BEAN1: variants seen among roughly 807,000 people sequenced by gnomAD.
BEAN1 encodes the protein protein BEAN1.
A neutral mutation model predicts 17.7 loss-of-function variants in BEAN1; 17 were observed. That is an observed-to-expected ratio of 0.96 (90% CI 0.66 to 1.44). The LOEUF (loss-of-function observed/expected upper bound fraction) is 1.44. Ranked by LOEUF, BEAN1 falls within the 40% of genes most tolerant of loss-of-function variation. BEAN1 has a pLI of 0.00. For synonymous variants in BEAN1, 142 were observed against 151.8 expected, an observed-to-expected ratio of 0.94 and a Z score of 0.47; for missense variants, 359 against 374.1, an observed-to-expected ratio of 0.96 and a Z score of 0.33.
chr16:66,482,680 T>C lies in BEAN1; in HGVS notation c.*1755T>C. 1 of 361,586 alleles carries C rather than the reference T, an allele frequency of 2.8e-6. No individual in the cohort carries two copies. 22.4% of individuals were successfully genotyped at this position (361,586 alleles called of 1,614,324 possible). ...GAGAGTGCTGGGGGAAAAAAAGGGA[T>C]AAAAATTCCTACCTACTCATCAGTG... On this transcript the variant is annotated 3_prime_UTR_variant, in exon 5 of 5. Coordinates refer to ENST00000536005, the MANE Select transcript of BEAN1 (RefSeq NM_001178020.3).
intron 2 of BEAN1, among the ~76,000 whole-genome samples, chr16:66,451,621 G>A (rs913089424): frequency 6.6e-6 from 1 of 152,190 alleles, no homozygotes; most frequent in African/African-American, 2.4e-5. Flanking sequence ...TGATTGTCAT[G>A]TATTGGGCAC....
intron 2 of BEAN1, among the ~76,000 whole-genome samples, chr16:66,468,438 T>C (rs569044298): frequency 4.6e-5 from 7 of 152,312 alleles, no homozygotes; most frequent in South Asian, 4.1e-4. Flanking sequence ...CTGTGGTTCA[T>C]TGAATGTCTG....
chr16:66,448,001 CT>C (rs1191401730), intron 2 of BEAN1, among the ~76,000 whole-genome samples: 3 of 152,188 alleles, frequency 2.0e-5, no homozygotes, highest in African/African-American at 7.2e-5. Flanking sequence ...GAAAGTAAAA[CT>C]GTGACCCAAG....
At chr16:66,467,635 A>G (rs918938865) in intron 2 of BEAN1, among the ~76,000 whole-genome samples, 1 of 152,188 alleles carries the variant, frequency 6.6e-6, no homozygotes, top group African/African-American at 2.4e-5. Flanking sequence ...TCCAAGATGG[A>G]GTCACTCTTG....
At chr16:66,475,359 A>C (rs1317133193) in intron 3 of BEAN1, among the ~76,000 whole-genome samples, 1 of 152,158 alleles carries the variant, frequency 6.6e-6, no homozygotes, top group Non-Finnish European at 1.5e-5. Context: ...CCCAAGAAGA[A>C]AGGGTAGATA....
At chr16:66,439,431 C>T (rs968562655) in intron 2 of BEAN1, among the ~76,000 whole-genome samples, 45 of 152,312 alleles carry the variant, frequency 3.0e-4, no homozygotes, top group African/African-American at 8.4e-4. Flanking sequence ...TCTGGCCAGG[C>T]AGGAGCAGCC....
intron 2 of BEAN1, among the ~76,000 whole-genome samples, chr16:66,453,731 ATTTT>A (rs150187705): frequency 1.4e-5 from 2 of 147,048 alleles, no homozygotes; most frequent in South Asian, 2.2e-4. Context: ...ATGTAGTTTA[ATTTT>A]TTTTTTTTGG....
chr16:66,436,068 G>A (rs1017185215), intron 1 of BEAN1, among the ~76,000 whole-genome samples: 3 of 152,092 alleles, frequency 2.0e-5, no homozygotes, highest in Non-Finnish European at 2.9e-5. Context: ...CCCTGCAAAA[G>A]CCCACAGGGC....
downstream of BEAN1, among the ~76,000 whole-genome samples, chr16:66,494,475 C>A (rs1964219990): frequency 6.6e-6 from 1 of 152,100 alleles, no homozygotes. Context: ...AGAGACCGAC[C>A]CAGAGAAGGG....
chr16:66,441,043 C>T (rs1307523317), intron 2 of BEAN1, among the ~76,000 whole-genome samples: 1 of 152,154 alleles, frequency 6.6e-6, no homozygotes, highest in African/African-American at 2.4e-5. Flanking sequence ...AGAAATTGCT[C>T]ATTCATTAAG....
intron 3 of BEAN1, among the ~76,000 whole-genome samples, chr16:66,470,805 G>A (rs1047578397): frequency 6.6e-6 from 1 of 152,214 alleles, no homozygotes; most frequent in Non-Finnish European, 1.5e-5. Flanking sequence ...AAGGCAGCAG[G>A]AAAAAATTCA....
chr16:66,455,675 TATAA>T (rs1200206755), intron 2 of BEAN1, among the ~76,000 whole-genome samples: 1 of 147,128 alleles, frequency 6.8e-6, no homozygotes, highest in African/African-American at 2.5e-5. Context: ...GCAACACGCT[TATAA>T]TAAAGCTACT....
At chr16:66,475,430 C>T (rs566635268) in intron 3 of BEAN1, among the ~76,000 whole-genome samples, 1 of 152,326 alleles carries the variant, frequency 6.6e-6, no homozygotes, top group Non-Finnish European at 1.5e-5. Flanking sequence ...CTCTCAGGTC[C>T]AGGAAGCAGC....
At chr16:66,441,234 T>G (rs904417571) in intron 2 of BEAN1, among the ~76,000 whole-genome samples, 3 of 152,256 alleles carry the variant, frequency 2.0e-5, no homozygotes, top group Non-Finnish European at 4.4e-5. Context: ...AAGCAAATGC[T>G]TTGTGGACAG....
At chr16:66,470,292 A>C (rs1454039211) in intron 3 of BEAN1, among the ~76,000 whole-genome samples, 1 of 151,864 alleles carries the variant, frequency 6.6e-6, no homozygotes, top group Non-Finnish European at 1.5e-5. Context: ...TCGTAGGAAA[A>C]TGGATGGGTG....
chr16:66,484,925 G>A, downstream of BEAN1: 1 of 454,082 alleles, frequency 2.2e-6, no homozygotes, highest in Non-Finnish European at 4.4e-6. This position sits in a 1 kb window ranked among gnomAD's most constrained non-coding sequence, Gnocchi z 4.2. Flanking sequence ...GGGCTCCTCT[G>A]GCCAGAAAAA....
chr16:66,440,170 C>G (rs909353428), intron 2 of BEAN1, among the ~76,000 whole-genome samples: 2 of 149,138 alleles, frequency 1.3e-5, no homozygotes, highest in African/African-American at 5.0e-5. Flanking sequence ...CACGCTGCCA[C>G]CCAGGCTGGA....
At chr16:66,460,361 C>T (rs1342552715) in intron 2 of BEAN1, among the ~76,000 whole-genome samples, 1 of 152,230 alleles carries the variant, frequency 6.6e-6, no homozygotes, top group Non-Finnish European at 1.5e-5. Flanking sequence ...GATGGATGTA[C>T]AGTAAGTGCT....
intron 1 of BEAN1, among the ~76,000 whole-genome samples, chr16:66,437,355 C>T (rs973190425): frequency 2.6e-5 from 4 of 152,022 alleles, no homozygotes; most frequent in African/African-American, 9.7e-5. Flanking sequence ...AGAGATATCT[C>T]CTCCCCACCA....
Sources: gnomAD v4.1 joint callset for allele counts (sites outside exome capture counted in the v4.1 genomes callset) on GRCh38, gnomAD v4.1.1 for gene constraint, Gnocchi (gnomAD v3.1) non-coding constraint, MANE v1.5 for transcripts, NCBI Gene and HGNC (gene_info 2026-07-23, HGNC 2026-07-21) for gene names.